ADAM12: variants seen among roughly 807,000 people sequenced by gnomAD.
The protein encoded by ADAM12 is disintegrin and metalloproteinase domain-containing protein 12.
Under a neutral mutation model 106.4 loss-of-function variants are expected in ADAM12, and 70 were observed. The ratio of observed to expected loss-of-function variants is 0.66; its 90% confidence interval spans 0.54 to 0.80. The LOEUF is 0.80. Ranked by LOEUF, ADAM12 falls within the 30% of genes least tolerant of loss-of-function variation. The pLI is 0.00. For synonymous variants in ADAM12, 420 were observed against 433.5 expected (o/e 0.97, Z 0.39); for missense variants, 1,010 against 1,171.9 (o/e 0.86, Z 2.02).
At chr10:126,334,813 A>T (rs960149660) in intron 1 of ADAM12, among the ~76,000 whole-genome samples, 2 of 152,124 alleles carry the variant, frequency 1.3e-5, no homozygotes, top group African/African-American at 4.8e-5. Flanking sequence ...GCTCCATTTC[A>T]CAAGAGGTGG....
chr10:126,049,407 C>T lies in ADAM12; in HGVS notation c.1763G>A (p.Arg588Gln), dbSNP rs150641628. ...AACGGCATTGGTACCAATGACTGGC[C>T]GGCTGGCACCTCCTTGACACTGGAT... ...GKIQCQGGAS[R>Q]PVIGTNAVSI... The change falls in exon 16 of 23, where the codon CGG becomes CAG. Residue 588 changes from arginine (R) to glutamine (Q), a missense_variant. Physicochemically the swap from Arg to Gln is conservative, Grantham distance 43 (BLOSUM62 1). Coordinates refer to ENST00000448723, the MANE Select transcript of ADAM12 (RefSeq NM_001288973.2). The surrounding 1 kb of genome is among the most constrained non-coding windows in gnomAD (Gnocchi z 4.4). 8.1e-6 allele frequency: 13 copies of T among 1,614,038 alleles called. No homozygotes were observed. The highest frequency in any genetic ancestry group is 2.2e-5 in the East Asian group (1 of 44,884).
chr10:126,193,430 T>C (rs945386524), intron 3 of ADAM12, among the ~76,000 whole-genome samples: 1 of 152,136 alleles, frequency 6.6e-6, no homozygotes, highest in African/African-American at 2.4e-5. Flanking sequence ...ACAAAATCTA[T>C]TTGATTCCTG....
chr10:126,197,619 C>A (rs1343971502), intron 3 of ADAM12, among the ~76,000 whole-genome samples: 8 of 152,186 alleles, frequency 5.3e-5, no homozygotes. Flanking sequence ...TTAAGGAAGG[C>A]CGGATGGTTG....
chr10:126,278,856 T>C, intron 3 of ADAM12, 59 bp downstream of exon 3: 1 of 1,333,756 alleles, frequency 7.5e-7, no homozygotes, highest in Non-Finnish European at 1.1e-6. Context: ...CACAGAGCAC[T>C]TTTCTGTCCA....
At chr10:126,138,163 TC>T (rs1206106133) in intron 4 of ADAM12, among the ~76,000 whole-genome samples, 1 of 152,202 alleles carries the variant, frequency 6.6e-6, no homozygotes, top group Non-Finnish European at 1.5e-5. Flanking sequence ...ATGTTGGGGA[TC>T]TTTTCATGTG....
rs138728813 is a variant in ADAM12, at chr10:126,162,511, C to T, written c.261-7206G>A. Among the ~76,000 whole-genome samples the T allele has an allele frequency of 5.3e-4, 81 of 152,260 alleles. 1 individual carries two copies. In the East Asian group the frequency reaches 0.014, roughly 25 times the overall value. ...AGAACCTACATGCTGCCCAATGCTG[C>T]TGACTTTATCCTGTGCCATGCAGAG... On this transcript the variant is annotated intron_variant, in intron 3 of 22. Transcript: ENST00000448723.
intron 21 of ADAM12, among the ~76,000 whole-genome samples, chr10:126,025,581 G>A (rs945590172): frequency 6.6e-6 from 1 of 152,104 alleles, no homozygotes; most frequent in Non-Finnish European, 1.5e-5. Context: ...ACCCAAAAGA[G>A]ACGGGCAGAA....
rs141347151 is a variant in ADAM12 at position 126,120,468 on chromosome 10, G to C, written c.417-2244C>G. Among the ~76,000 whole-genome samples, 249 of 152,238 alleles carry C rather than the reference G, an allele frequency of 1.6e-3. 4 individuals carry two copies. In the East Asian group the frequency reaches 0.02, roughly 12 times the overall value. The stretch of plus-strand genomic sequence containing the variant: ...CAATGGCCTGGGACAAAGTCTGTTG[G>C]GCCTGCAGAACAGACAACGGTTTAT... On this transcript the variant is annotated intron_variant, in intron 5 of 22. Coordinates refer to ENST00000448723, the MANE Select transcript of ADAM12 (RefSeq NM_001288973.2).
At chr10:126,194,225 C>T (rs920805295) in intron 3 of ADAM12, among the ~76,000 whole-genome samples, 2 of 143,174 alleles carry the variant, frequency 1.4e-5, no homozygotes, top group East Asian at 2.1e-4. Context: ...TAAATATCCT[C>T]GGTGCTTCTG....
chr10:126,114,049 G>C (rs1466208069), intron 6 of ADAM12, among the ~76,000 whole-genome samples: 1 of 152,096 alleles, frequency 6.6e-6, no homozygotes, highest in Non-Finnish European at 1.5e-5. Context: ...TCCATGCCTT[G>C]ACTCTAACAT....
At chr10:126,238,399 A>G (rs1590663835) in intron 3 of ADAM12, among the ~76,000 whole-genome samples, 1 of 152,254 alleles carries the variant, frequency 6.6e-6, no homozygotes, top group East Asian at 1.9e-4. Flanking sequence ...GAATCGCTTG[A>G]ACCCAGGAGG....
chr10:126,261,964 G>A (rs899941308), intron 3 of ADAM12, among the ~76,000 whole-genome samples: 2 of 152,096 alleles, frequency 1.3e-5, no homozygotes, highest in African/African-American at 4.8e-5. Context: ...TTAAATGTTG[G>A]AAGGAATTCT....
At chr10:126,080,999 C>T (rs755430538) in intron 11 of ADAM12, among the ~76,000 whole-genome samples, 10 of 152,194 alleles carry the variant, frequency 6.6e-5, no homozygotes, top group African/African-American at 1.4e-4. Flanking sequence ...CGGGAGTTAT[C>T]TGACTTGCAA....
chr10:126,154,102 G>A (rs1956773342), intron 4 of ADAM12, among the ~76,000 whole-genome samples: 1 of 152,134 alleles, frequency 6.6e-6, no homozygotes, highest in South Asian at 2.1e-4. Flanking sequence ...GTTGCAGGCG[G>A]TTACTTCTCT....
chr10:126,231,258 C>T lies in ADAM12; in HGVS notation c.260+47657G>A, dbSNP rs1958304104. 1.3e-5 allele frequency among the ~76,000 whole-genome samples: 2 copies of T among 152,084 alleles called. 1 individual carries two copies. The highest frequency in any genetic ancestry group is 1.3e-4 in the Admixed American group (2 of 15,274). On this transcript the variant is annotated intron_variant, in intron 3 of 22. Transcript: ENST00000448723. ...TTAAAGTTTGCGAGAAACTTATTTA[C>T]TATATTTTTTTCTTCTCTGTGTTGG...
At chr10:126,036,427 C>A in intron 20 of ADAM12, 102 bp from the exon 21 acceptor site, 1 of 1,160,310 alleles carries the variant, frequency 8.6e-7, no homozygotes, top group Non-Finnish European at 1.2e-6. Flanking sequence ...AGCTGAAGGC[C>A]AAGGTGGGGT....
chr10:126,094,787 C>A (rs576774229), intron 10 of ADAM12, among the ~76,000 whole-genome samples: 13 of 152,266 alleles, frequency 8.5e-5, no homozygotes, highest in African/African-American at 3.1e-4. Flanking sequence ...GCCAGGCAGA[C>A]TTTGGAAATG....
rs554451766 is a variant in ADAM12, at chr10:126,379,765, G to T, written c.88+8293C>A. ...ATTTCAATTTTTTTTTTTAAAGCAA[G>T]ACTAGATTCTCAGATCACATTCAGA... On this transcript the variant is annotated intron_variant, in intron 1 of 22. Coordinates refer to ENST00000448723, the MANE Select transcript of ADAM12 (RefSeq NM_001288973.2). Among the ~76,000 whole-genome samples the T allele has an allele frequency of 5.3e-5, 8 of 151,238 alleles. No individual in the cohort carries two copies. In the East Asian group the frequency reaches 1.6e-3, roughly 30 times the overall value.
At chr10:126,283,514 C>T (rs1045663905) in intron 2 of ADAM12, among the ~76,000 whole-genome samples, 6 of 152,206 alleles carry the variant, frequency 3.9e-5, no homozygotes, top group African/African-American at 7.2e-5. Flanking sequence ...TGTGCAACTG[C>T]GGCTCACTGG....
Sources: allele counts gnomAD v4.1 joint callset (sites outside exome capture counted in the v4.1 genomes callset), GRCh38; gene constraint gnomAD v4.1.1; non-coding constraint Gnocchi (gnomAD v3.1); transcripts MANE v1.5; gene names NCBI Gene and HGNC (gene_info 2026-07-23, HGNC 2026-07-21).